Variants in SLC14A2 observed in about 807,000 individuals in gnomAD.
SLC14A2 encodes the protein urea transporter 2.
A neutral mutation model predicts 104.6 loss-of-function variants in SLC14A2; 91 were observed. That is an observed-to-expected ratio of 0.87 (90% CI 0.73 to 1.04). SLC14A2 has a LOEUF of 1.04. SLC14A2 is among the 50% of genes least tolerant of loss of function. The probability of loss-of-function intolerance (pLI) is 0.00; values close to 1 mark genes in which losing one functional copy is unlikely to be tolerated. For missense variants in SLC14A2, 1,189 were observed against 1,156.0 expected (o/e 1.03, Z -0.41); for synonymous variants, 476 against 466.4 (o/e 1.02, Z -0.27).
At chr18:45,227,245 G>A (rs1195676796) in intron 1 of SLC14A2, among the ~76,000 whole-genome samples, 1 of 152,170 alleles carries the variant, frequency 6.6e-6, no homozygotes, top group Non-Finnish European at 1.5e-5. Context: ...GACAGGAATG[G>A]CTTTTTGCAA....
At chr18:45,604,132 T>C (rs921663747) in intron 2 of SLC14A2, among the ~76,000 whole-genome samples, 3 of 152,252 alleles carry the variant, frequency 2.0e-5, no homozygotes, top group African/African-American at 4.8e-5. Context: ...CTGTTGCCTA[T>C]GTAGTGCCAT....
At chr18:45,442,863 C>G (rs2086702051) in intron 1 of SLC14A2, among the ~76,000 whole-genome samples, 1 of 152,146 alleles carries the variant, frequency 6.6e-6, no homozygotes, top group Non-Finnish European at 1.5e-5. Context: ...AAAAAATTCC[C>G]TCCTGTATAC....
At chr18:45,235,042 A>G (rs974475173) in intron 1 of SLC14A2, among the ~76,000 whole-genome samples, 33 of 152,206 alleles carry the variant, frequency 2.2e-4, no homozygotes, top group Non-Finnish European at 3.4e-4. Flanking sequence ...GTAGACGGGC[A>G]TAGAAAGTCA....
At position 45,644,145 on chromosome 18, in the gene SLC14A2, G is replaced by C. The variant is rs1177653085; in HGVS notation, c.1336G>C (p.Glu446Gln). 6.2e-7 allele frequency: 1 copy of C among 1,614,216 alleles called. No homozygotes were observed. The highest frequency in any genetic ancestry group is 8.5e-7 in the Non-Finnish European group (1 of 1,180,026). ...YYLTVKSGEEEKAPSGGGGEH... is the reference protein window; with the variant it reads ...YYLTVKSGEEQKAPSGGGGEH... ...CCTGACAGTGAAAAGCGGTGAAGAAGAGAAGGCCCCCAGCGGTGAATAGCC... is the reference window on the plus strand; with the variant it reads ...CCTGACAGTGAAAAGCGGTGAAGAACAGAAGGCCCCCAGCGGTGAATAGCC... Residue 446 changes from glutamate (E) to glutamine (Q), a missense_variant, in exon 10 of 20, where the codon GAG (glutamate) becomes CAG (glutamine). By Grantham distance (29) the Glu-to-Gln change is conservative. Coordinates refer to ENST00000255226, the MANE Select transcript of SLC14A2 (RefSeq NM_007163.4).
chr18:45,414,757 A>AAAAAAAAAAAATATATATATATAT (rs1360051908), intron 1 of SLC14A2, among the ~76,000 whole-genome samples: 1 of 76,124 alleles, frequency 1.3e-5, no homozygotes, highest in South Asian at 3.7e-4. Flanking sequence ...AAAAAAAAAA[A>AAAAAAAAAAAATATATATATATAT]ATATATATAT....
intron 1 of SLC14A2, among the ~76,000 whole-genome samples, chr18:45,393,220 T>C (rs1488673276): frequency 1.3e-5 from 2 of 152,162 alleles, no homozygotes; most frequent in East Asian, 1.9e-4. Flanking sequence ...AAAAGATGCA[T>C]GAATAAAATA....
At chr18:45,341,705 G>T (rs1431078370) in intron 1 of SLC14A2, among the ~76,000 whole-genome samples, 1 of 138,596 alleles carries the variant, frequency 7.2e-6, no homozygotes, top group African/African-American at 2.8e-5. Context: ...CAATTCTCCT[G>T]CCTCAGCATC....
At chr18:45,580,723 G>A (rs2044478640) in intron 2 of SLC14A2, among the ~76,000 whole-genome samples, 1 of 152,186 alleles carries the variant, frequency 6.6e-6, no homozygotes, top group South Asian at 2.1e-4. Flanking sequence ...GAGGCACAGG[G>A]AGGTCATATA....
chr18:45,391,796 G>A (rs988196712), intron 1 of SLC14A2, among the ~76,000 whole-genome samples: 1 of 152,184 alleles, frequency 6.6e-6, no homozygotes, highest in African/African-American at 2.4e-5. Context: ...TTGTACATTT[G>A]TTTGAGTTCA....
chr18:45,677,058 A>T (rs1436482035), intron 18 of SLC14A2, among the ~76,000 whole-genome samples: 3 of 152,214 alleles, frequency 2.0e-5, no homozygotes, highest in Non-Finnish European at 4.4e-5. Flanking sequence ...TGCTCGGCAC[A>T]TCACCTGAGA....
intron 1 of SLC14A2, among the ~76,000 whole-genome samples, chr18:45,251,508 A>G (rs1599613796): frequency 6.6e-6 from 1 of 152,202 alleles, no homozygotes; most frequent in Non-Finnish European, 1.5e-5. Context: ...TGTCATAACA[A>G]AAAAACACAT....
chr18:45,472,033 C>T (rs1288175102), intron 1 of SLC14A2, among the ~76,000 whole-genome samples: 1 of 152,066 alleles, frequency 6.6e-6, no homozygotes, highest in Admixed American at 6.6e-5. Context: ...CCCTAGCCCC[C>T]GACCCCATGA....
intron 1 of SLC14A2, chr18:45,440,503 A>G (rs189828581): frequency 6.6e-6 from 1 of 152,326 alleles, no homozygotes; most frequent in African/African-American, 2.4e-5. Flanking sequence ...CCACATCAGC[A>G]GTTTAGTGGA....
intron 1 of SLC14A2, among the ~76,000 whole-genome samples, chr18:45,338,682 CAAAAAAAAAAAA>C (rs59474827): frequency 6.9e-4 from 36 of 51,858 alleles, no homozygotes; most frequent in Admixed American, 1.4e-3. Flanking sequence ...CACTGGCTCA[CAAAAAAAAAAAA>C]AAAAAAAAAA....
At chr18:45,586,485 G>T (rs879458132) in intron 2 of SLC14A2, among the ~76,000 whole-genome samples, 3 of 152,196 alleles carry the variant, frequency 2.0e-5, no homozygotes, top group Non-Finnish European at 4.4e-5. Context: ...GCAGGGAAGT[G>T]CCATGATTTG....
intron 1 of SLC14A2, among the ~76,000 whole-genome samples, chr18:45,620,551 A>AT (rs2045149329): frequency 6.6e-6 from 1 of 152,314 alleles, no homozygotes; most frequent in East Asian, 1.9e-4. Context: ...TAATAAAGGG[A>AT]TTTTTAGGTG....
intron 1 of SLC14A2, among the ~76,000 whole-genome samples, chr18:45,315,326 G>A (rs1342597731): frequency 6.6e-6 from 1 of 152,174 alleles, no homozygotes; most frequent in South Asian, 2.1e-4. Flanking sequence ...TGGCTGTGAT[G>A]ACAGGCAGAT....
intron 18 of SLC14A2, among the ~76,000 whole-genome samples, chr18:45,675,542 T>G (rs79713108): frequency 6.6e-6 from 1 of 151,790 alleles, no homozygotes; most frequent in East Asian, 1.9e-4. Flanking sequence ...TGAGACAGGG[T>G]CTTACTCTGT....
intron 2 of SLC14A2, among the ~76,000 whole-genome samples, chr18:45,500,238 C>T (rs1033414722): frequency 6.6e-6 from 1 of 152,200 alleles, no homozygotes; most frequent in Admixed American, 6.5e-5. Context: ...TTCTCTCTGG[C>T]ATGCTGGGTT....
Sources: allele counts gnomAD v4.1 joint callset (sites outside exome capture counted in the v4.1 genomes callset), GRCh38; gene constraint gnomAD v4.1.1; transcripts MANE v1.5; gene names NCBI Gene and HGNC (gene_info 2026-07-23, HGNC 2026-07-21).